Variants in CADM2 observed in about 807,000 individuals in gnomAD.
CADM2 encodes immunoglobulin superfamily member 4D.
CADM2 carries 12 observed loss-of-function variants against 49.8 expected under a neutral mutation model. That is an observed-to-expected ratio of 0.24 (90% CI 0.15 to 0.39). The LOEUF is 0.39. CADM2 is among the 10% of genes least tolerant of loss of function. The pLI is 1.00. For synonymous variants in CADM2, 214 were observed against 175.4 expected, an observed-to-expected ratio of 1.22 and a Z score of -1.74; for missense variants, 378 against 492.3, an observed-to-expected ratio of 0.77 and a Z score of 2.20.
chr3:85,496,088 G>A (rs957511394), intron 1 of CADM2, among the ~76,000 whole-genome samples: 1 of 152,224 alleles, frequency 6.6e-6, no homozygotes, highest in Non-Finnish European at 1.5e-5. Flanking sequence ...TACACGTTCA[G>A]GTTTGTTACA....
chr3:85,044,497 A>G (rs112480657), intron 1 of CADM2, among the ~76,000 whole-genome samples: 163 of 152,320 alleles, frequency 1.1e-3, no homozygotes, highest in Non-Finnish European at 1.7e-3. Context: ...ACATTCCAGA[A>G]GAAATTAGCT....
intron 1 of CADM2, among the ~76,000 whole-genome samples, chr3:85,629,245 C>A (rs2064230323): frequency 6.6e-6 from 1 of 151,766 alleles, no homozygotes; most frequent in Non-Finnish European, 1.5e-5. Context: ...AATTGTAACT[C>A]AGTGCTTAAA....
intron 1 of CADM2, among the ~76,000 whole-genome samples, chr3:84,968,153 C>CT (rs1001143188): frequency 7.2e-5 from 11 of 151,756 alleles, no homozygotes; most frequent in African/African-American, 2.4e-4. Flanking sequence ...ATGTCAAGTT[C>CT]TTTTTTTCCC....
intron 8 of CADM2, among the ~76,000 whole-genome samples, chr3:86,053,800 G>A (rs1737607874): frequency 6.6e-6 from 1 of 151,908 alleles, no homozygotes; most frequent in Non-Finnish European, 1.5e-5. Flanking sequence ...CTGATTTGTG[G>A]TTCAAATGAG....
At chr3:85,347,223 CAAAAAAAAA>C (rs11331703) in intron 1 of CADM2, among the ~76,000 whole-genome samples, 114 of 46,148 alleles carry the variant, frequency 2.5e-3, no homozygotes, top group African/African-American at 0.011. Flanking sequence ...CTCTGTCTCA[CAAAAAAAAA>C]AAAAAAAAAA....
intron 1 of CADM2, among the ~76,000 whole-genome samples, chr3:85,426,057 C>A (rs1461715975): frequency 6.6e-6 from 1 of 152,156 alleles, no homozygotes; most frequent in Non-Finnish European, 1.5e-5. Flanking sequence ...CTCAGTTTTC[C>A]TCCCAACACT....
intron 1 of CADM2, among the ~76,000 whole-genome samples, chr3:85,157,904 A>G (rs1304076870): frequency 6.6e-6 from 1 of 152,200 alleles, no homozygotes; most frequent in African/African-American, 2.4e-5. Context: ...TGAACAGGCA[A>G]CCTACAAAAT....
chr3:85,950,582 T>C (rs977619308), intron 7 of CADM2, among the ~76,000 whole-genome samples: 1 of 151,186 alleles, frequency 6.6e-6, no homozygotes, highest in Non-Finnish European at 1.5e-5. Flanking sequence ...AATGCCATTA[T>C]TTTCAAGTCT....
rs543835804 is a variant in CADM2, at chr3:86,015,933, G to T, written c.971-49672G>T. On this transcript the variant is annotated intron_variant, in intron 8 of 9. Coordinates refer to ENST00000383699, the MANE Select transcript of CADM2 (RefSeq NM_001167675.2). The stretch of plus-strand genomic sequence containing the variant: ...AAAACCTACAAAAATAAGGATTGTG[G>T]TTTATCTAGAAAACTATGGAAAACA... Among the ~76,000 whole-genome samples the T allele has an allele frequency of 3.9e-5, 6 of 152,186 alleles. No homozygotes were observed. In the East Asian group the frequency reaches 1.2e-3, roughly 29 times the overall value.
intron 1 of CADM2, among the ~76,000 whole-genome samples, chr3:85,652,301 C>T (rs1305669203): frequency 6.6e-6 from 1 of 152,116 alleles, no homozygotes; most frequent in Non-Finnish European, 1.5e-5. Flanking sequence ...CGTGTGATAT[C>T]TGCGTTAGTT....
At chr3:85,889,208 A>G (rs1714093151) in intron 5 of CADM2, among the ~76,000 whole-genome samples, 1 of 152,178 alleles carries the variant, frequency 6.6e-6, no homozygotes, top group Non-Finnish European at 1.5e-5. Context: ...TCTTTTCTCT[A>G]TCACTACCTA....
intron 8 of CADM2, among the ~76,000 whole-genome samples, chr3:85,984,547 T>C (rs774517509): frequency 9.2e-5 from 14 of 151,776 alleles, no homozygotes; most frequent in Non-Finnish European, 1.6e-4. Context: ...CTTTTATACT[T>C]AGGACAGAAA....
chr3:85,368,783 G>A (rs1012322176), intron 1 of CADM2, among the ~76,000 whole-genome samples: 6 of 152,000 alleles, frequency 3.9e-5, no homozygotes, highest in Non-Finnish European at 8.8e-5. Context: ...CAGAAGAATA[G>A]AAAAGAGAAT....
rs1459546147 is a variant in CADM2 at position 85,801,929 on chromosome 3, CGTT to C, written c.89-114_89-112del. On this transcript the variant is annotated intron_variant, in intron 2 of 9. Coordinates refer to ENST00000383699, the MANE Select transcript of CADM2 (RefSeq NM_001167675.2). ...TGTCTTTTGTAATATACAGTTTTGT[CGTT>C]GTTTGGTTGTTTTAAATTTTATTTT... 5 of 773,872 alleles carry C rather than the reference CGTT, an allele frequency of 6.5e-6. No individual in the cohort carries two copies. In the African/African-American group the frequency reaches 8.8e-5, roughly 14 times the overall value. The allele number at this position is 773,872 out of a possible 1,614,324, so 47.9% of individuals were successfully genotyped here.
intron 1 of CADM2, among the ~76,000 whole-genome samples, chr3:85,620,507 G>A (rs1488095161): frequency 2.6e-5 from 4 of 151,846 alleles, no homozygotes; most frequent in African/African-American, 9.7e-5. Context: ...AAAATGGAAC[G>A]TAAAAAGCAA....
intron 1 of CADM2, among the ~76,000 whole-genome samples, chr3:85,672,717 A>C (rs939733169): frequency 3.3e-4 from 51 of 152,312 alleles, no homozygotes; most frequent in African/African-American, 1.2e-3. Flanking sequence ...TTAAAATTAT[A>C]ACACAAGCAT....
chr3:85,137,326 T>C (rs980318512), intron 1 of CADM2, among the ~76,000 whole-genome samples: 1 of 151,998 alleles, frequency 6.6e-6, no homozygotes, highest in Non-Finnish European at 1.5e-5. Context: ...CTTTTACTTT[T>C]ATTGCTGTCA....
intron 1 of CADM2, among the ~76,000 whole-genome samples, chr3:85,297,711 T>C (rs1218660633): frequency 1.3e-5 from 2 of 152,020 alleles, no homozygotes; most frequent in African/African-American, 4.8e-5. Flanking sequence ...CAGGATTCAG[T>C]TTTGAGTTCT....
chr3:85,982,442 TA>T, intron 8 of CADM2, among the ~76,000 whole-genome samples: 1 of 151,748 alleles, frequency 6.6e-6, no homozygotes, highest in South Asian at 2.1e-4. Flanking sequence ...AATATTTTTT[TA>T]AAAAGTTTTT....
Sources: allele counts gnomAD v4.1 joint callset (sites outside exome capture counted in the v4.1 genomes callset), GRCh38; gene constraint gnomAD v4.1.1; transcripts MANE v1.5; gene names NCBI Gene and HGNC (gene_info 2026-07-23, HGNC 2026-07-21).